Variants in SAMD3 observed in about 807,000 individuals in gnomAD.
The protein encoded by SAMD3 is sterile alpha motif domain containing 3.
A neutral mutation model predicts 58.5 loss-of-function variants in SAMD3; 63 were observed. That is an observed-to-expected ratio of 1.08 (90% CI 0.88 to 1.33). The LOEUF is 1.33. Among genes scored for constraint, SAMD3 ranks in the 40% most tolerant of loss-of-function variants. SAMD3 has a pLI of 0.00. For synonymous variants in SAMD3, 220 were observed against 210.3 expected, an observed-to-expected ratio of 1.05 and a Z score of -0.40; for missense variants, 604 against 608.4, an observed-to-expected ratio of 0.99 and a Z score of 0.08.
intron 2 of SAMD3, among the ~76,000 whole-genome samples, chr6:130,267,987 A>T (rs1774422476): frequency 6.6e-6 from 1 of 152,160 alleles, no homozygotes; most frequent in Non-Finnish European, 1.5e-5. Context: ...TGGTGGTCCC[A>T]TTAAATTACA....
intron 5 of SAMD3, among the ~76,000 whole-genome samples, chr6:130,199,557 G>A (rs745539716): frequency 2.6e-5 from 4 of 152,166 alleles, no homozygotes; most frequent in Non-Finnish European, 5.9e-5. Flanking sequence ...CAAACTACAA[G>A]TGAATCAGAA....
chr6:130,257,460 T>C (rs1373858301), intron 2 of SAMD3, among the ~76,000 whole-genome samples: 1 of 152,182 alleles, frequency 6.6e-6, no homozygotes, highest in Admixed American at 6.5e-5. Flanking sequence ...GTCATTCATT[T>C]CATTTATTTT....
chr6:130,143,135 T>C (rs1435731077), downstream of SAMD3: 1 of 152,194 alleles, frequency 6.6e-6, no homozygotes, highest in African/African-American at 2.4e-5. Flanking sequence ...GAGAAAGATA[T>C]CTAGCAGGCT....
chr6:130,294,748 T>A (rs570506966), intron 2 of SAMD3, among the ~76,000 whole-genome samples: 1 of 151,962 alleles, frequency 6.6e-6, no homozygotes, highest in Non-Finnish European at 1.5e-5. Context: ...TGCCTCCAAG[T>A]CCTTCATCTC....
intron 9 of SAMD3, among the ~76,000 whole-genome samples, chr6:130,150,225 T>C (rs2114561622): frequency 1.3e-5 from 2 of 152,344 alleles, no homozygotes; most frequent in Middle Eastern, 6.8e-3. Flanking sequence ...CTGAAGCAGC[T>C]GGCTTGCCAG....
At chr6:130,244,160 T>C (rs1174212592) in intron 2 of SAMD3, among the ~76,000 whole-genome samples, 2 of 152,246 alleles carry the variant, frequency 1.3e-5, no homozygotes, top group Non-Finnish European at 2.9e-5. Context: ...TTTATTGGTT[T>C]ATTTGATTTA....
intron 2 of SAMD3, among the ~76,000 whole-genome samples, chr6:130,278,869 A>G (rs1016749269): frequency 6.6e-6 from 1 of 152,208 alleles, no homozygotes; most frequent in African/African-American, 2.4e-5. Flanking sequence ...GCTTGAGTGT[A>G]TCACTTACTG....
At chr6:130,237,666 A>G (rs1773208719) in intron 2 of SAMD3, among the ~76,000 whole-genome samples, 1 of 152,114 alleles carries the variant, frequency 6.6e-6, no homozygotes, top group African/African-American at 2.4e-5. Flanking sequence ...TACCATCCTT[A>G]TTGTATACAC....
At chr6:130,358,029 C>T (rs1225065945) in intron 1 of SAMD3, among the ~76,000 whole-genome samples, 1 of 152,172 alleles carries the variant, frequency 6.6e-6, no homozygotes, top group Non-Finnish European at 1.5e-5. Context: ...GTTAATTTCT[C>T]TCATAGTAAA....
chr6:130,216,698 G>C (rs1189753313), intron 1 of SAMD3, 82 bp from the exon 2 acceptor site: 4 of 152,110 alleles, frequency 2.6e-5, no homozygotes, highest in Non-Finnish European at 4.4e-5. Flanking sequence ...TTGAAAACAA[G>C]GGTTAAATAT....
intron 2 of SAMD3, among the ~76,000 whole-genome samples, chr6:130,283,935 A>C (rs927179937): frequency 2.0e-5 from 3 of 152,168 alleles, no homozygotes; most frequent in Admixed American, 6.5e-5. Flanking sequence ...TCTGCCTCCC[A>C]GGTTCCAGTG....
intron 8 of SAMD3, among the ~76,000 whole-genome samples, chr6:130,172,432 C>T (rs1269276681): frequency 6.6e-6 from 1 of 152,158 alleles, no homozygotes; most frequent in East Asian, 1.9e-4. Flanking sequence ...ATTTGCTTGT[C>T]TGTAGAGGAT....
At chr6:130,172,333 G>A (rs1319594467) in intron 8 of SAMD3, among the ~76,000 whole-genome samples, 3 of 152,146 alleles carry the variant, frequency 2.0e-5, no homozygotes, top group Admixed American at 1.3e-4. Flanking sequence ...TGTTTTTGCA[G>A]TGGCTGGTAC....
At chr6:130,184,414 C>T in intron 6 of SAMD3, 24 bp downstream of exon 6, 1 of 1,604,052 alleles carries the variant, frequency 6.2e-7, no homozygotes, top group Non-Finnish European at 8.5e-7. Context: ...CCCAAAGCAG[C>T]AAGCTTGTCC....
At chr6:130,213,668 T>C (rs1280759481) in intron 4 of SAMD3, among the ~76,000 whole-genome samples, 1 of 152,198 alleles carries the variant, frequency 6.6e-6, no homozygotes, top group East Asian at 1.9e-4. Context: ...AAATTTTTAA[T>C]CTTATAAATC....
chr6:130,202,638 A>G (rs934258973), intron 5 of SAMD3, among the ~76,000 whole-genome samples: 5 of 152,240 alleles, frequency 3.3e-5, no homozygotes, highest in African/African-American at 1.2e-4. Context: ...ATCCTGGGTT[A>G]AACAAAGTTA....
intron 1 of SAMD3, among the ~76,000 whole-genome samples, chr6:130,351,085 T>C (rs1261721103): frequency 7.2e-5 from 11 of 152,116 alleles, no homozygotes; most frequent in Non-Finnish European, 1.5e-5. Context: ...TGGGGATGGA[T>C]TAAAGACTTA....
At chr6:130,159,597 C>A (rs1790099142) in intron 8 of SAMD3, 1 of 152,168 alleles carries the variant, frequency 6.6e-6, no homozygotes, top group South Asian at 2.1e-4. Context: ...AGACCCTATT[C>A]TCCTGCCTCA....
At chr6:130,238,910 C>G (rs1264697837) in intron 2 of SAMD3, among the ~76,000 whole-genome samples, 1 of 152,114 alleles carries the variant, frequency 6.6e-6, no homozygotes, top group South Asian at 2.1e-4. Flanking sequence ...AGGTGCCCAC[C>G]ACCACACCTG....
Sources: allele counts gnomAD v4.1 joint callset (sites outside exome capture counted in the v4.1 genomes callset), GRCh38; gene constraint gnomAD v4.1.1; transcripts MANE v1.5; gene names NCBI Gene and HGNC (gene_info 2026-07-23, HGNC 2026-07-21).